Variants in MATN2 observed in about 807,000 individuals in gnomAD.
MATN2 encodes matrilin 2.
MATN2 carries 69 observed loss-of-function variants against 103.2 expected under a neutral mutation model. The ratio of observed to expected loss-of-function variants is 0.67; its 90% CI spans 0.55 to 0.82. The LOEUF (loss-of-function observed/expected upper bound fraction) is 0.82, where lower values mean the gene tolerates loss of function less well. Among genes scored for constraint, MATN2 ranks in the 40% least tolerant of loss-of-function variants. The pLI, the probability that MATN2 is intolerant of heterozygous loss-of-function variation, is 0.00. For missense variants in MATN2, 1,023 were observed against 1,211.5 expected (o/e 0.84, Z 2.31); for synonymous variants, 429 against 450.2 (o/e 0.95, Z 0.60).
rs578063472 is a variant in MATN2, at chr8:98,028,158, T to C, written c.2356+329T>C. ...GATATACACAATAGTTCCGAAACAC[T>C]GGTCGGCTTGCTCTAGAATCAACTG... On this transcript the variant is annotated intron_variant, in intron 14 of 18. Transcript: ENST00000254898. Among the ~76,000 whole-genome samples, 23 of 152,324 alleles carry C rather than the reference T, an allele frequency of 1.5e-4. No homozygotes were observed. In the South Asian group the frequency reaches 4.8e-3, roughly 32 times the overall value.
Position 97,918,372 on chromosome 8 carries a change from G to A in MATN2, c.143-12581G>A, listed in dbSNP as rs143796464. On this transcript the variant is annotated intron_variant, in intron 2 of 18. Coordinates refer to ENST00000254898, the MANE Select transcript of MATN2 (RefSeq NM_002380.5). ...TTCAGTACAGTGCCTTCTATGTGCC[G>A]GCCCTGAGCCAGGCATCGATGAAAG... Among the ~76,000 whole-genome samples the A allele has an allele frequency of 4.5e-4, 68 of 152,212 alleles. No individual in the cohort carries two copies. The East Asian group carries it at 0.013, about 29-fold the overall frequency.
At chr8:97,970,815 G>A (rs1055629252) in intron 5 of MATN2, among the ~76,000 whole-genome samples, 14 of 152,152 alleles carry the variant, frequency 9.2e-5, no homozygotes, top group Non-Finnish European at 1.9e-4. Flanking sequence ...GCTGGGTGTG[G>A]TGGCCAACAC....
chr8:97,961,737 C>A (rs537527789), intron 5 of MATN2, among the ~76,000 whole-genome samples: 1 of 152,324 alleles, frequency 6.6e-6, no homozygotes, highest in African/African-American at 2.4e-5. Flanking sequence ...TATTCTGGGT[C>A]TCCAGTAAAA....
intron 2 of MATN2, among the ~76,000 whole-genome samples, chr8:97,898,994 G>A (rs1021315391): frequency 6.6e-6 from 1 of 152,002 alleles, no homozygotes; most frequent in South Asian, 2.1e-4. Context: ...GAGCTCAAGC[G>A]ATCCTCCTGC....
chr8:97,882,588 C>T (rs912145894), intron 1 of MATN2, among the ~76,000 whole-genome samples: 3 of 151,520 alleles, frequency 2.0e-5, no homozygotes, highest in South Asian at 2.1e-4. Context: ...TGTTTTGTAG[C>T]GATGGGATTT....
chr8:98,021,950 A>G (rs1395239718), intron 13 of MATN2, among the ~76,000 whole-genome samples: 1 of 152,190 alleles, frequency 6.6e-6, no homozygotes, highest in African/African-American at 2.4e-5. Context: ...GAGTGTCTGA[A>G]TTGGTATAAC....
rs186533757 is a variant in MATN2 at position 98,015,557 on chromosome 8, T to C, written c.1574-983T>C. Among the ~76,000 whole-genome samples the C allele has an allele frequency of 4.6e-5, 7 of 152,322 alleles. No homozygotes were observed. In the East Asian group the frequency reaches 1.4e-3, roughly 29 times the overall value. ...TGTTCTTTCTTGCTGATAATGCTCT[T>C]TCCCAGACACCACCACTCACTTCCT... is the stretch of plus-strand genomic sequence containing the variant. On this transcript the variant is annotated intron_variant, in intron 10 of 18. Transcript: ENST00000254898.
chr8:97,964,591 A>G (rs146797391), intron 5 of MATN2, among the ~76,000 whole-genome samples: 53 of 151,734 alleles, frequency 3.5e-4, no homozygotes, highest in African/African-American at 1.3e-3. Context: ...TGTGTGCACC[A>G]CTGTGCCCAG....
chr8:97,885,981 C>T (rs969198994), intron 1 of MATN2, among the ~76,000 whole-genome samples: 11 of 152,176 alleles, frequency 7.2e-5, no homozygotes, highest in Admixed American at 5.2e-4. Context: ...CGCTCCCCAT[C>T]GCCTGTGTTA....
chr8:97,903,598 A>T (rs4734378), intron 2 of MATN2, among the ~76,000 whole-genome samples: 2 of 152,140 alleles, frequency 1.3e-5, no homozygotes, highest in Admixed American at 6.6e-5. Context: ...TGCCCTGTAG[A>T]TGCCAAATAT....
At chr8:98,006,130 C>T (rs1012304479) in intron 8 of MATN2, among the ~76,000 whole-genome samples, 2 of 152,186 alleles carry the variant, frequency 1.3e-5, no homozygotes, top group Admixed American at 6.5e-5. Flanking sequence ...CATTAGCCTT[C>T]GGCACTTGCT....
intron 6 of MATN2, among the ~76,000 whole-genome samples, chr8:97,984,357 C>G (rs977821802): frequency 6.6e-6 from 1 of 152,216 alleles, no homozygotes; most frequent in Non-Finnish European, 1.5e-5. Flanking sequence ...TTTGTGGCCA[C>G]TAAGAGTGAG....
intron 1 of MATN2, among the ~76,000 whole-genome samples, chr8:97,876,051 G>C (rs1267448581): frequency 7.4e-6 from 1 of 135,304 alleles, no homozygotes; most frequent in Non-Finnish European, 1.6e-5. Flanking sequence ...GACATGGTCT[G>C]ACTGTCGCCC....
intron 10 of MATN2, among the ~76,000 whole-genome samples, chr8:98,016,023 T>TA (rs1353215899): frequency 1.3e-5 from 2 of 152,228 alleles, no homozygotes; most frequent in African/African-American, 4.8e-5. Context: ...ACAAGTAATT[T>TA]ATCTCTCATT....
At chr8:97,889,488 T>TATATATATATATATATATATATATATAA (rs1347479451) in intron 2 of MATN2, among the ~76,000 whole-genome samples, 1 of 133,354 alleles carries the variant, frequency 7.5e-6, no homozygotes, top group Non-Finnish European at 1.6e-5. Flanking sequence ...TATATATATA[T>TATATATATATATATATATATATATATAA]AAAACTGATG....
chr8:97,887,900 G>C (rs1472862721), intron 1 of MATN2, 175 bp from the exon 2 acceptor site: 4 of 544,546 alleles, frequency 7.3e-6, no homozygotes, highest in Non-Finnish European at 1.3e-5. Context: ...CGTCCAAGAA[G>C]AGCCTACCAA....
At chr8:98,027,303 C>G (rs1813841688) in intron 13 of MATN2, 113 bp from the exon 14 acceptor site, 1 of 886,738 alleles carries the variant, frequency 1.1e-6, no homozygotes, top group East Asian at 2.5e-5. Flanking sequence ...ATCTAAAGAA[C>G]AAAACTGGTT....
intron 2 of MATN2, among the ~76,000 whole-genome samples, chr8:97,924,737 TTC>T (rs1341847940): frequency 7.4e-6 from 1 of 135,818 alleles, no homozygotes; most frequent in African/African-American, 2.7e-5. Context: ...TTTTTTTTTT[TTC>T]AGCACTTGGC....
intron 1 of MATN2, among the ~76,000 whole-genome samples, chr8:97,879,938 G>T (rs1418007518): frequency 6.6e-6 from 1 of 152,174 alleles, no homozygotes; most frequent in African/African-American, 2.4e-5. Context: ...GGTACAGCCT[G>T]AAATTCACAC....
Sources: allele counts gnomAD v4.1 joint callset (sites outside exome capture counted in the v4.1 genomes callset), GRCh38; gene constraint gnomAD v4.1.1; transcripts MANE v1.5; gene names NCBI Gene and HGNC (gene_info 2026-07-23, HGNC 2026-07-21).